SEM1: variants seen among roughly 807,000 people sequenced by gnomAD.
SEM1 encodes the protein SEM1 26S proteasome subunit.
SEM1 carries 3 observed loss-of-function variants against 12.7 expected under a neutral mutation model. The observed-to-expected ratio is 0.24, with a 90% CI of 0.11 to 0.61. The LOEUF is 0.61. Among genes scored for constraint, SEM1 ranks in the 20% least tolerant of loss-of-function variants. The pLI is 0.88. For synonymous variants in SEM1, 30 were observed against 27.8 expected (o/e 1.08, Z -0.25); for missense variants, 59 against 81.3 (o/e 0.73, Z 1.06).
At chr7:96,505,834 T>G (rs575396614) in intron 3 of SEM1, among the ~76,000 whole-genome samples, 1 of 152,146 alleles carries the variant, frequency 6.6e-6, no homozygotes, top group South Asian at 2.1e-4. Context: ...CACCATCACC[T>G]TGGGAATTAG....
chr7:96,709,743 C>T lies in SEM1; in HGVS notation c.21G>A (p.Pro7=). 4 of 1,613,956 alleles carry T rather than the reference C, an allele frequency of 2.5e-6. No homozygotes were observed. Among genetic ancestry groups the T allele is most frequent in the Non-Finnish European group, 2.5e-6 (3 of 1,179,928 alleles). The change falls in exon 1 of 3, where the codon CCG becomes CCA. Residue 7 remains proline (P), a synonymous_variant. Coordinates refer to ENST00000248566, the MANE Select transcript of SEM1 (RefSeq NM_006304.2). ...CTTCCTCTAACAGACCTAAGTCTAC[C>T]GGCTGCTTTTTCTCTGACATCTCGA... The part of the protein sequence containing the change: MSEKKQ[P]VDLGLLEEDD...
chr7:96,491,505 C>A (rs1295737011), intron 1 of SEM1, among the ~76,000 whole-genome samples: 1 of 152,110 alleles, frequency 6.6e-6, no homozygotes, highest in Non-Finnish European at 1.5e-5. Context: ...TTTATTTAGT[C>A]GTAAAGATTC....
At chr7:96,709,096 T>C (rs1379997827) in intron 1 of SEM1, among the ~76,000 whole-genome samples, 6 of 152,152 alleles carry the variant, frequency 3.9e-5, no homozygotes, top group Non-Finnish European at 7.3e-5. Context: ...ATTACAGGCG[T>C]GAGCCACCAC....
chr7:96,703,689 C>CT (rs142671228), intron 1 of SEM1, among the ~76,000 whole-genome samples: 6,062 of 151,882 alleles, frequency 0.04, 200 homozygotes, highest in Non-Finnish European at 0.058. Flanking sequence ...AGTGGCTCAC[C>CT]TGTAATCCCA....
chr7:96,571,093 T>G (rs1314231972), intron 2 of SEM1, among the ~76,000 whole-genome samples: 1 of 152,144 alleles, frequency 6.6e-6, no homozygotes, highest in Non-Finnish European at 1.5e-5. Context: ...CCTTGTAGAT[T>G]TTGGATATTA....
chr7:96,540,402 A>G (rs550562240), intron 2 of SEM1, among the ~76,000 whole-genome samples: 1 of 151,966 alleles, frequency 6.6e-6, no homozygotes, highest in Non-Finnish European at 1.5e-5. Context: ...TCATCTCAGT[A>G]TATAAAATGG....
intron 2 of SEM1, among the ~76,000 whole-genome samples, chr7:96,658,314 C>CT (rs969125041): frequency 1.3e-4 from 20 of 152,104 alleles, no homozygotes; most frequent in African/African-American, 4.8e-4. Flanking sequence ...TCAATGCTCT[C>CT]TTTTTTCTGT....
chr7:96,492,177 G>A (rs1803037435), intron 1 of SEM1, among the ~76,000 whole-genome samples: 1 of 152,096 alleles, frequency 6.6e-6, no homozygotes, highest in African/African-American at 2.4e-5. Context: ...ATCGTCTCCA[G>A]AATGTTTTCA....
At chr7:96,497,240 GA>G (rs1241041664), upstream of SEM1, among the ~76,000 whole-genome samples, 1 of 150,986 alleles carries the variant, frequency 6.6e-6, no homozygotes, top group Admixed American at 6.6e-5. Flanking sequence ...CATGGCTCAG[GA>G]AAAAAACAAA....
intron 1 of SEM1, among the ~76,000 whole-genome samples, 176 bp downstream of exon 1, chr7:96,709,511 AC>A (rs1790581126): frequency 6.6e-6 from 1 of 152,000 alleles, no homozygotes; most frequent in African/African-American, 2.4e-5. Flanking sequence ...CCAGCGCAAC[AC>A]CCCAAACCCG....
chr7:96,645,023 GA>G (rs561140802), intron 2 of SEM1, among the ~76,000 whole-genome samples: 269 of 152,080 alleles, frequency 1.8e-3, no homozygotes, highest in African/African-American at 6.3e-3. Flanking sequence ...TATATTTTAA[GA>G]AATGTAATAA....
intron 2 of SEM1, among the ~76,000 whole-genome samples, chr7:96,634,073 A>C (rs1482439723): frequency 6.6e-6 from 1 of 152,182 alleles, no homozygotes; most frequent in African/African-American, 2.4e-5. Flanking sequence ...GCTGTTCACA[A>C]TAGCAAGAAA....
At chr7:96,496,673 A>G (rs1054435773), upstream of SEM1, among the ~76,000 whole-genome samples, 1 of 152,212 alleles carries the variant, frequency 6.6e-6, no homozygotes, top group Admixed American at 6.5e-5. Context: ...AGTAATTTTT[A>G]TTAGACATAT....
chr7:96,582,993 G>A (rs866997137), intron 2 of SEM1, among the ~76,000 whole-genome samples: 2 of 152,060 alleles, frequency 1.3e-5, no homozygotes, highest in Non-Finnish European at 2.9e-5. Flanking sequence ...TCTGATTTTA[G>A]TTATTTCTTG....
intron 2 of SEM1, among the ~76,000 whole-genome samples, chr7:96,654,047 TTTAAATGG>T (rs1809092618): frequency 6.6e-6 from 1 of 152,210 alleles, no homozygotes; most frequent in South Asian, 2.1e-4. Context: ...GAAGAGTATG[TTTAAATGG>T]TTTGCAGAGC....
intron 1 of SEM1, among the ~76,000 whole-genome samples, chr7:96,705,914 T>C (rs1790442508): frequency 6.6e-6 from 1 of 152,022 alleles, no homozygotes; most frequent in Non-Finnish European, 1.5e-5. Context: ...AAATGAAATC[T>C]TCTCTAGACT....
chr7:96,587,848 A>G (rs1313793739), intron 2 of SEM1, among the ~76,000 whole-genome samples: 1 of 152,226 alleles, frequency 6.6e-6, no homozygotes, highest in Non-Finnish European at 1.5e-5. Flanking sequence ...ACCTTGTTCA[A>G]TAAATTTGAC....
chr7:96,607,812 G>T (rs1429883684), intron 2 of SEM1, among the ~76,000 whole-genome samples: 1 of 152,144 alleles, frequency 6.6e-6, no homozygotes, highest in African/African-American at 2.4e-5. Context: ...CTTAGTTTCT[G>T]AGTCCCCTGA....
chr7:96,648,238 A>T (rs1030668028), intron 2 of SEM1, among the ~76,000 whole-genome samples: 1 of 152,188 alleles, frequency 6.6e-6, no homozygotes, highest in Non-Finnish European at 1.5e-5. Flanking sequence ...ACTATCATAG[A>T]AGGAGTAGCA....
Sources: allele counts gnomAD v4.1 joint callset (sites outside exome capture counted in the v4.1 genomes callset), GRCh38; gene constraint gnomAD v4.1.1; transcripts MANE v1.5; gene names NCBI Gene and HGNC (gene_info 2026-07-23, HGNC 2026-07-21).